The following SCN10A variants were observed in gnomAD, a reference collection of about 807,000 sequenced individuals.
SCN10A encodes the protein sodium voltage-gated channel alpha subunit 10.
SCN10A carries 162 observed loss-of-function variants against 170.7 expected under a neutral mutation model. That is an observed-to-expected ratio of 0.95 (90% CI 0.84 to 1.08). The LOEUF (loss-of-function observed/expected upper bound fraction) is 1.08. SCN10A is among the 50% of genes least tolerant of loss of function. The pLI is 0.00. For missense variants in SCN10A, 2,527 were observed against 2,436.9 expected (o/e 1.04, Z -0.78); for synonymous variants, 985 against 904.6 (o/e 1.09, Z -1.59).
chr3:38,717,979 TG>T (rs2063350154), intron 21 of SCN10A, among the ~76,000 whole-genome samples: 2 of 152,228 alleles, frequency 1.3e-5, no homozygotes, highest in South Asian at 4.1e-4. Context: ...CAGGGATTAC[TG>T]GCCACAGGTT....
chr3:38,763,502 C>G lies in SCN10A; in HGVS notation c.691+3G>C. The G allele has an allele frequency of 1.9e-6, 3 of 1,610,520 alleles. No individual in the cohort carries two copies. Among genetic ancestry groups the G allele is most frequent in the Non-Finnish European group, 2.5e-6 (3 of 1,176,696 alleles). The stretch of plus-strand genomic sequence containing the variant: ...AACATATGCTCTGTGAATAAATGCT[C>G]ACCTGGGATCACAGAAACTGTTTTT... On this transcript the variant is annotated splice_donor_region_variant and intron_variant, in intron 6 of 27. Coordinates refer to ENST00000449082, the MANE Select transcript of SCN10A (RefSeq NM_006514.4).
intron 20 of SCN10A, 78 bp downstream of exon 20, chr3:38,722,180 G>A (rs2063396737): frequency 1.4e-6 from 2 of 1,412,628 alleles, no homozygotes; most frequent in Admixed American, 3.9e-5. Flanking sequence ...AGAACCCACT[G>A]ATGCAGCTCC....
chr3:38,764,418 CT>C, intron 5 of SCN10A, among the ~76,000 whole-genome samples: 1 of 152,056 alleles, frequency 6.6e-6, no homozygotes, highest in Non-Finnish European at 1.5e-5. Flanking sequence ...ATTGTTATGC[CT>C]TTGCATCCTC....
chr3:38,797,458 T>A (rs2064347263), intron 1 of SCN10A, among the ~76,000 whole-genome samples: 1 of 152,214 alleles, frequency 6.6e-6, no homozygotes, highest in Non-Finnish European at 1.5e-5. Context: ...GATCTGTTTC[T>A]TACGGAACTT....
At chr3:38,771,020 T>C (rs1238408169) in intron 5 of SCN10A, among the ~76,000 whole-genome samples, 2 of 152,196 alleles carry the variant, frequency 1.3e-5, no homozygotes, top group Admixed American at 6.5e-5. Context: ...TGGAGGCAGG[T>C]TTCCCCCCCT....
chr3:38,805,406 G>A (rs1683875478), intron 1 of SCN10A, among the ~76,000 whole-genome samples: 2 of 152,106 alleles, frequency 1.3e-5, no homozygotes, highest in South Asian at 2.1e-4. Context: ...GATATTGCTG[G>A]GCTCTCCATG....
In SCN10A at chr3:38,736,963, G is replaced by GTTTTTTTTTTTTTTTTTTTTTTT. The variant is rs71085334; in HGVS notation, c.2280+2529_2280+2551dup. ...TTCCCCAAGTGTAGCAGAAATGTTC[G>GTTTTTTTTTTTTTTTTTTTTTTT]TTTTTTTTTTTTTTTTTTTTTTTTT... On this transcript the variant is annotated intron_variant, in intron 15 of 27. Coordinates refer to ENST00000449082, the MANE Select transcript of SCN10A (RefSeq NM_006514.4). Among the ~76,000 whole-genome samples the GTTTTTTTTTTTTTTTTTTTTTTT allele has an allele frequency of 3.9e-4, 18 of 46,682 alleles. 4 individuals carry two copies. The highest frequency in any genetic ancestry group is 8.4e-4 in the African/African-American group (8 of 9,548). The allele number at this position is 46,682 out of a possible 152,430, so 30.6% of individuals were successfully genotyped here. A position where few individuals can be genotyped will look rare whatever the true frequency, so the allele number is the denominator to read the frequency against.
chr3:38,780,023 T>C (rs992266478), intron 4 of SCN10A, among the ~76,000 whole-genome samples: 14 of 151,932 alleles, frequency 9.2e-5, no homozygotes, highest in Non-Finnish European at 1.5e-5. Flanking sequence ...TACATTATAT[T>C]AATTATATTA....
intron 1 of SCN10A, among the ~76,000 whole-genome samples, chr3:38,807,551 T>C (rs2064413345): frequency 1.3e-5 from 2 of 152,152 alleles, no homozygotes; most frequent in South Asian, 4.1e-4. Flanking sequence ...CTCTCTCTGT[T>C]CCATATGAGG....
chr3:38,788,772 A>ATG (rs1485202155), intron 4 of SCN10A, among the ~76,000 whole-genome samples, 184 bp downstream of exon 4: 1 of 152,214 alleles, frequency 6.6e-6, no homozygotes, highest in Non-Finnish European at 1.5e-5. Flanking sequence ...ACTGAAAATC[A>ATG]TGTATGTTTA....
chr3:38,702,162 G>A (rs1056331749), intron 26 of SCN10A, 53 bp from the exon 27 acceptor site: 3 of 1,506,282 alleles, frequency 2.0e-6, no homozygotes, highest in Non-Finnish European at 1.8e-6. Flanking sequence ...CACAAACCAG[G>A]CATCTGTGTT....
chr3:38,712,938 T>A, intron 22 of SCN10A, among the ~76,000 whole-genome samples: 1 of 152,246 alleles, frequency 6.6e-6, no homozygotes, highest in East Asian at 1.9e-4. Context: ...AATTTCAAAC[T>A]ATTTCAATCT....
intron 13 of SCN10A, among the ~76,000 whole-genome samples, chr3:38,743,995 C>A (rs2063660797): frequency 6.6e-6 from 1 of 152,088 alleles, no homozygotes; most frequent in Non-Finnish European, 1.5e-5. Flanking sequence ...CTCGGCAAGA[C>A]ATGCATCTTG....
chr3:38,729,482 C>A (rs1477904696), intron 15 of SCN10A, among the ~76,000 whole-genome samples: 2 of 152,058 alleles, frequency 1.3e-5, no homozygotes, highest in Non-Finnish European at 2.9e-5. Context: ...AACGAACCTA[C>A]CCCCCAGAAC....
chr3:38,761,304 T>G lies in SCN10A; in HGVS notation c.771A>C (p.Leu257=), dbSNP rs1575159247. The G allele has an allele frequency of 6.2e-7, 1 of 1,613,956 alleles. No homozygotes were observed. The highest frequency in any genetic ancestry group is 8.5e-7 in the Non-Finnish European group (1 of 1,179,922). The part of the protein sequence containing the change: ...ADVTILTIFC[L]SVFALVGLQL... ...GCAGCCCCACCAAGGCAAAAACACT[T>G]AGGCAGAAGATGGTGAGGATGGTCA... The change falls in exon 7 of 28, where the codon CTA becomes CTC. Residue 257 remains leucine (L), a synonymous_variant. Coordinates refer to ENST00000449082, the MANE Select transcript of SCN10A (RefSeq NM_006514.4).
intron 5 of SCN10A, among the ~76,000 whole-genome samples, chr3:38,770,683 TG>T (rs928941020): frequency 2.4e-4 from 36 of 152,162 alleles, no homozygotes; most frequent in African/African-American, 7.5e-4. Flanking sequence ...CCTCACTGTC[TG>T]CTTGCAGTTC....
At chr3:38,800,637 G>C (rs553287410) in intron 1 of SCN10A, among the ~76,000 whole-genome samples, 3 of 151,154 alleles carry the variant, frequency 2.0e-5, no homozygotes, top group Non-Finnish European at 3.0e-5. Context: ...AGGAAACTCT[G>C]ACTCCCCAGA....
chr3:38,782,917 T>C (rs2064156106), intron 4 of SCN10A, among the ~76,000 whole-genome samples: 1 of 152,154 alleles, frequency 6.6e-6, no homozygotes, highest in African/African-American at 2.4e-5. Context: ...ATAGACTGGG[T>C]GGCTTATGCA....
At chr3:38,756,553 G>A (rs2063806969) in intron 10 of SCN10A, 121 bp downstream of exon 10, 4 of 796,030 alleles carry the variant, frequency 5.0e-6, no homozygotes, top group Non-Finnish European at 8.3e-6. Context: ...TGGTCCCTGA[G>A]GCAAGATGAT....
Sources: gnomAD v4.1 joint callset for allele counts (sites outside exome capture counted in the v4.1 genomes callset) on GRCh38, gnomAD v4.1.1 for gene constraint, MANE v1.5 for transcripts, NCBI Gene and HGNC (gene_info 2026-07-23, HGNC 2026-07-21) for gene names.